Variants in SOHLH1 observed in about 807,000 individuals in gnomAD.
SOHLH1 encodes the protein spermatogenesis and oogenesis specific basic helix-loop-helix 1.
SOHLH1 carries 23 observed loss-of-function variants against 36.2 expected under a neutral mutation model. The ratio of observed to expected loss-of-function variants is 0.64; its 90% CI spans 0.46 to 0.90. The LOEUF is 0.90. Among genes scored for constraint, SOHLH1 ranks in the 40% least tolerant of loss-of-function variants. The probability of loss-of-function intolerance (pLI) is 0.00; values close to 1 mark genes in which losing one functional copy is unlikely to be tolerated. For synonymous variants in SOHLH1, 289 were observed against 228.3 expected, an observed-to-expected ratio of 1.27 and a Z score of -2.40; for missense variants, 608 against 517.0, an observed-to-expected ratio of 1.18 and a Z score of -1.71.
At chr9:135,699,910 G>GGGGACCCA (rs1834974460), upstream of SOHLH1, among the ~76,000 whole-genome samples, 1 of 152,000 alleles carries the variant, frequency 6.6e-6, no homozygotes, top group South Asian at 2.1e-4. Flanking sequence ...CCCAGGCCTG[G>GGGGACCCA]GGGACCCAGG....
chr9:135,694,979 G>A (rs1834729889), intron 6 of SOHLH1, 71 bp downstream of exon 6: 23 of 1,452,030 alleles, frequency 1.6e-5, no homozygotes, highest in Non-Finnish European at 2.1e-5. Flanking sequence ...GGACTGGGAG[G>A]AGGTGGGACA....
chr9:135,699,572 C>T (rs1351484739), upstream of SOHLH1: 3 of 1,227,102 alleles, frequency 2.4e-6, no homozygotes, highest in East Asian at 2.5e-5. Context: ...CCACCTAGCC[C>T]ACCCCACCCC....
At chr9:135,699,554 C>T (rs1834960687), upstream of SOHLH1, 8 of 1,432,874 alleles carry the variant, frequency 5.6e-6, no homozygotes, top group East Asian at 2.4e-5. Context: ...CCACCTGCCA[C>T]GTGCTTTCCA....
intron 2 of SOHLH1, 149 bp from the exon 3 acceptor site, chr9:135,698,625 G>T: frequency 8.4e-7 from 1 of 1,188,672 alleles, no homozygotes; most frequent in Non-Finnish European, 1.2e-6. Context: ...GTGGTCTGAA[G>T]CCCCGAGATC....
rs1436100964 is a variant in SOHLH1 at position 135,699,460 on chromosome 9, G to C, written c.8C>G (p.Ser3Cys). MA[S>C]RCSEPYPEVS... Reference sequence around the variant, plus strand: ...CTCCGGGTAGGGCTCGGAGCACCGGGACGCCATGAACTCGCAGCTGCGGAG... The same window carrying C: ...CTCCGGGTAGGGCTCGGAGCACCGGCACGCCATGAACTCGCAGCTGCGGAG... The change falls in exon 1 of 8, where the codon TCC becomes TGC. Residue 3 changes from serine (S) to cysteine (C), a missense_variant. Physicochemically the swap from Ser to Cys is moderately radical, Grantham distance 112. Transcript: ENST00000425225. 3 of 1,612,094 alleles carry C rather than the reference G, an allele frequency of 1.9e-6. No homozygotes were observed. The highest frequency in any genetic ancestry group is 1.1e-5 in the South Asian group (1 of 90,960).
intron 6 of SOHLH1, 84 bp downstream of exon 6, chr9:135,694,966 G>A: frequency 7.1e-7 from 1 of 1,407,228 alleles, no homozygotes; most frequent in Non-Finnish European, 9.7e-7. Flanking sequence ...GTGGGCCCAA[G>A]CAGGACTGGG....
intron 5 of SOHLH1, among the ~76,000 whole-genome samples, chr9:135,695,753 G>A (rs887447980): frequency 1.3e-5 from 2 of 152,132 alleles, no homozygotes; most frequent in African/African-American, 2.4e-5. Context: ...ACTTCCAGAC[G>A]CTACCACAGC....
upstream of SOHLH1, among the ~76,000 whole-genome samples, chr9:135,701,251 T>TC (rs1312816615): frequency 5.3e-5 from 8 of 151,972 alleles, no homozygotes; most frequent in South Asian, 1.4e-3. Context: ...AGCATCTGTG[T>TC]TCAGCCTGCT....
chr9:135,701,719 G>C (rs886420011), upstream of SOHLH1, among the ~76,000 whole-genome samples: 1 of 152,208 alleles, frequency 6.6e-6, no homozygotes, highest in Non-Finnish European at 1.5e-5. Flanking sequence ...GGGGGGTGTG[G>C]GGGCGGGGGG....
intron 6 of SOHLH1, 90 bp from the exon 7 acceptor site, chr9:135,694,547 A>T (rs1042809990): frequency 2.6e-6 from 4 of 1,536,020 alleles, no homozygotes; most frequent in Non-Finnish European, 3.5e-6. Context: ...CTGCAAAGGC[A>T]GCTTCGAATG....
At chr9:135,694,072 T>C (rs1334356776) in intron 7 of SOHLH1, 6 of 1,427,420 alleles carry the variant, frequency 4.2e-6, no homozygotes, top group African/African-American at 1.4e-5. Context: ...CACAGGGCCA[T>C]ACACCTTTGC....
rs371751223 is a variant in SOHLH1, at chr9:135,697,494, G to C, written c.467+12C>G. The C allele has an allele frequency of 6.2e-7, 1 of 1,607,902 alleles. No homozygotes were observed. Among genetic ancestry groups the C allele is most frequent in the African/African-American group, 1.3e-5 (1 of 75,012 alleles). ...ACCCAGCCCTGGAGAGCGGGCCCCA[G>C]GAGACACTAACCGAGTCCCGCTGGA... On this transcript the variant is annotated intron_variant, in intron 4 of 7. Coordinates refer to ENST00000425225, the MANE Select transcript of SOHLH1 (RefSeq NM_001101677.2).
upstream of SOHLH1, among the ~76,000 whole-genome samples, chr9:135,701,958 C>T (rs969488182): frequency 4.0e-5 from 6 of 148,802 alleles, no homozygotes; most frequent in Non-Finnish European, 9.0e-5. Context: ...TTGGGCTTTT[C>T]TAGCCATTGA....
rs1165961098 is a variant in SOHLH1, at chr9:135,698,388, T to A, written c.286A>T (p.Met96Leu). Reference protein sequence around the residue: ...RREDMASVLEMSVQFLRLASA... With the variant: ...RREDMASVLELSVQFLRLASA... ...GCAAGCCGCAGGAACTGCACAGACA[T>A]CTCCAGGACCGAGGCCATGTCCTCC... Residue 96 changes from methionine (M) to leucine (L), a missense_variant, in exon 3 of 8, where the codon ATG (methionine) becomes TTG (leucine). Met to Leu is a conservative substitution (Grantham distance 15). Coordinates refer to ENST00000425225, the MANE Select transcript of SOHLH1 (RefSeq NM_001101677.2). 2.5e-6 allele frequency: 4 copies of A among 1,612,838 alleles called. No individual in the cohort carries two copies. The highest frequency in any genetic ancestry group is 3.4e-6 in the Non-Finnish European group (4 of 1,179,998).
At position 135,698,881 on chromosome 9, in the gene SOHLH1, G is replaced by T. The variant is rs372019603; in HGVS notation, c.197+114C>A. On this transcript the variant is annotated intron_variant, in intron 2 of 7. Transcript: ENST00000425225. Reference sequence around the variant, plus strand: ...GATGTGCAGTCTGTCCTTCTCCTGGGCACAGGCCACGAGCCCCTCCCAGCT... The same window carrying T: ...GATGTGCAGTCTGTCCTTCTCCTGGTCACAGGCCACGAGCCCCTCCCAGCT... 8.2e-5 allele frequency: 121 copies of T among 1,473,360 alleles called. 1 individual carries two copies. The Middle Eastern group carries it at 2.4e-3, about 29-fold the overall frequency. 91.3% of individuals were successfully genotyped at this position (1,473,360 alleles called of 1,614,324 possible).
rs1035952059 is a variant in SOHLH1 at position 135,699,246 on chromosome 9, G to A, written c.66-120C>T. Reference sequence around the variant, plus strand: ...GGAAGCCAAGACTGGGTCACGTAGGGACACGGCCCGGCCCTCTCTGCACCC... The same window carrying A: ...GGAAGCCAAGACTGGGTCACGTAGGAACACGGCCCGGCCCTCTCTGCACCC... On this transcript the variant is annotated intron_variant, in intron 1 of 7. Transcript: ENST00000425225. The A allele has an allele frequency of 2.6e-6, 4 of 1,516,520 alleles. No homozygotes were observed. The African/African-American group carries it at 4.2e-5, about 16-fold the overall frequency. 93.9% of individuals were successfully genotyped at this position (1,516,520 alleles called of 1,614,324 possible). A position where few individuals can be genotyped will look rare whatever the true frequency, so the allele number is the denominator to read the frequency against.
chr9:135,695,524 G>A (rs1834755692), intron 5 of SOHLH1, among the ~76,000 whole-genome samples: 1 of 152,138 alleles, frequency 6.6e-6, no homozygotes, highest in Non-Finnish European at 1.5e-5. Flanking sequence ...GGCTTGGCCA[G>A]CCGCAAGGGG....
intron 3 of SOHLH1, 89 bp downstream of exon 3, chr9:135,698,240 G>C: frequency 6.4e-7 from 1 of 1,572,778 alleles, no homozygotes; most frequent in Non-Finnish European, 8.7e-7. Flanking sequence ...AGGAGACGGG[G>C]ATGACAGGGG....
At chr9:135,695,926 T>C (rs1220959982) in intron 5 of SOHLH1, among the ~76,000 whole-genome samples, 1 of 151,818 alleles carries the variant, frequency 6.6e-6, no homozygotes, top group African/African-American at 2.4e-5. Context: ...GTTCCTGCCA[T>C]GGCCAGGCAG....
Sources: allele counts gnomAD v4.1 joint callset (sites outside exome capture counted in the v4.1 genomes callset), GRCh38; gene constraint gnomAD v4.1.1; transcripts MANE v1.5; gene names NCBI Gene and HGNC (gene_info 2026-07-23, HGNC 2026-07-21).